Variants in AVEN observed in about 807,000 individuals in gnomAD.
AVEN encodes apoptosis and caspase activation inhibitor.
Under a neutral mutation model 38.1 loss-of-function variants are expected in AVEN, and 41 were observed. The observed-to-expected ratio is 1.08, with a 90% CI of 0.84 to 1.40. AVEN has a LOEUF of 1.40. AVEN is among the 40% of genes most tolerant of loss of function. The pLI is 0.00. For synonymous variants in AVEN, 206 were observed against 171.8 expected (o/e 1.20, Z -1.56); for missense variants, 605 against 438.8 (o/e 1.38, Z -3.38).
At chr15:33,958,239 A>C (rs889181007) in intron 2 of AVEN, among the ~76,000 whole-genome samples, 2 of 152,154 alleles carry the variant, frequency 1.3e-5, no homozygotes, top group Non-Finnish European at 2.9e-5. Flanking sequence ...TGTTTTCCTT[A>C]CCTTGATAAA....
chr15:33,867,864 G>GA lies in AVEN; in HGVS notation c.613-10dup. ...TCTAAAGGAACTGTACCCTGAAAGA[G>GA]AAGTATAAAAACTGAGTTAAAAATG... On this transcript the variant is annotated splice_polypyrimidine_tract_variant and intron_variant, in intron 4 of 5. Coordinates refer to ENST00000306730, the MANE Select transcript of AVEN (RefSeq NM_020371.3). The GA allele has an allele frequency of 6.4e-7, 1 of 1,553,134 alleles. No individual in the cohort carries two copies. The highest frequency in any genetic ancestry group is 8.7e-7 in the Non-Finnish European group (1 of 1,155,590).
chr15:34,003,529 T>G (rs1273066206), intron 1 of AVEN, among the ~76,000 whole-genome samples: 1 of 152,224 alleles, frequency 6.6e-6, no homozygotes, highest in African/African-American at 2.4e-5. Flanking sequence ...GTAAGCATCT[T>G]AAACTCAAAG....
At chr15:33,942,363 C>T (rs1481591426) in intron 2 of AVEN, among the ~76,000 whole-genome samples, 3 of 152,150 alleles carry the variant, frequency 2.0e-5, no homozygotes, top group Non-Finnish European at 2.9e-5. Flanking sequence ...TAATTCAAGA[C>T]GTCTGTCTAC....
chr15:34,010,885 A>G (rs889268301), intron 1 of AVEN, among the ~76,000 whole-genome samples: 1 of 152,340 alleles, frequency 6.6e-6, no homozygotes, highest in East Asian at 1.9e-4. Context: ...AAACCTATTA[A>G]GGTCATTTTT....
At chr15:34,043,527 T>A (rs1353430654), upstream of AVEN, among the ~76,000 whole-genome samples, 1 of 152,214 alleles carries the variant, frequency 6.6e-6, no homozygotes, top group East Asian at 1.9e-4. Context: ...CATCTACTAC[T>A]GAGGGTGCTC....
At chr15:33,860,522 G>C (rs1259037025) in intron 11 of AVEN, 6 of 854,280 alleles carry the variant, frequency 7.0e-6, no homozygotes, top group African/African-American at 3.4e-5. Flanking sequence ...GAACAAAGTA[G>C]CTTCTTCCTT....
chr15:33,941,794 C>T (rs1894328310), intron 2 of AVEN, among the ~76,000 whole-genome samples: 1 of 152,130 alleles, frequency 6.6e-6, no homozygotes, highest in Non-Finnish European at 1.5e-5. Context: ...AACGTCATTG[C>T]TTGAAGGTTG....
chr15:33,993,198 T>C, intron 2 of AVEN, among the ~76,000 whole-genome samples: 1 of 152,170 alleles, frequency 6.6e-6, no homozygotes, highest in Non-Finnish European at 1.5e-5. Context: ...AGATCTTACT[T>C]TTTACGTTTG....
At chr15:33,901,871 C>T (rs1442068586) in intron 2 of AVEN, among the ~76,000 whole-genome samples, 2 of 61,482 alleles carry the variant, frequency 3.3e-5, no homozygotes, top group Non-Finnish European at 9.0e-5. Flanking sequence ...TTTTCTGCCA[C>T]TGAGTTCTAA....
At chr15:34,038,657 C>CGCCGGT (rs1899283862) in intron 1 of AVEN, 123 bp downstream of exon 1, 1 of 950,066 alleles carries the variant, frequency 1.1e-6, no homozygotes, top group African/African-American at 1.8e-5. Context: ...CCCGCGCAGG[C>CGCCGGT]GCCGGCGCCG....
intron 2 of AVEN, among the ~76,000 whole-genome samples, chr15:33,912,473 C>T (rs191568802): frequency 5.3e-5 from 8 of 152,294 alleles, no homozygotes; most frequent in African/African-American, 1.7e-4. Flanking sequence ...TGAGGTTCCT[C>T]ATAAAGTTAC....
intron 2 of AVEN, among the ~76,000 whole-genome samples, chr15:33,891,709 T>G (rs868804679): frequency 1.3e-5 from 2 of 152,212 alleles, no homozygotes; most frequent in Admixed American, 1.3e-4. Context: ...TGTGTCTTTA[T>G]AGTAGAATGA....
chr15:33,887,938 G>C (rs75887287), intron 2 of AVEN, among the ~76,000 whole-genome samples: 1 of 152,076 alleles, frequency 6.6e-6, no homozygotes. Context: ...GGAGTTGAAA[G>C]CCCAACAACA....
intron 2 of AVEN, among the ~76,000 whole-genome samples, chr15:33,962,645 A>G (rs1383118991): frequency 6.8e-6 from 1 of 147,134 alleles, no homozygotes; most frequent in Admixed American, 7.1e-5. Flanking sequence ...CTTTAAAAAC[A>G]TAACAAATCA....
chr15:34,058,555 A>AACACAC (rs3027963), intron 5 of AVEN, among the ~76,000 whole-genome samples: 25,883 of 142,978 alleles, frequency 0.18, 2,428 homozygotes, highest in Non-Finnish European at 0.19. Context: ...CTTTAATTCT[A>AACACAC]ACACACACAC....
chr15:33,988,178 A>G (rs1172884107), intron 2 of AVEN, among the ~76,000 whole-genome samples: 1 of 152,224 alleles, frequency 6.6e-6, no homozygotes, highest in East Asian at 1.9e-4. Flanking sequence ...TGTAAACAAC[A>G]CAGCTTCTTT....
chr15:33,854,871 C>A, downstream of AVEN: 1 of 1,613,494 alleles, frequency 6.2e-7, no homozygotes. Flanking sequence ...CTTCAAGACA[C>A]TGAGGACCAT....
At chr15:34,075,101 C>A (rs1255470370) in exon 1 of AVEN, among the ~76,000 whole-genome samples, 1 of 143,812 alleles carries the variant, frequency 7.0e-6, no homozygotes, top group Non-Finnish European at 1.5e-5. Flanking sequence ...CAGTTGAACC[C>A]GGGAGGTGGA....
Position 33,953,164 on chromosome 15 carries a change from A to C in AVEN, c.445+49868T>G, listed in dbSNP as rs1006188800. 2.0e-5 allele frequency among the ~76,000 whole-genome samples: 3 copies of C among 152,184 alleles called. No homozygotes were observed. The South Asian group carries it at 6.2e-4, about 32-fold the overall frequency. On this transcript the variant is annotated intron_variant, in intron 2 of 5. Transcript: ENST00000306730. Reference sequence around the variant, plus strand: ...ACACAAACAAGTGGAAGAACATTCCATGCTCATGGATAGGAAGAATCAATA... The same window carrying C: ...ACACAAACAAGTGGAAGAACATTCCCTGCTCATGGATAGGAAGAATCAATA...
Sources: allele counts gnomAD v4.1 joint callset (sites outside exome capture counted in the v4.1 genomes callset), GRCh38; gene constraint gnomAD v4.1.1; transcripts MANE v1.5; gene names NCBI Gene and HGNC (gene_info 2026-07-23, HGNC 2026-07-21).